MAGI1: variants seen among roughly 807,000 people sequenced by gnomAD.
MAGI1 encodes the protein membrane associated guanylate kinase, WW and PDZ domain containing 1.
MAGI1 carries 58 observed loss-of-function variants against 139.9 expected under a neutral mutation model. The observed-to-expected ratio is 0.41, with a 90% confidence interval of 0.34 to 0.52. MAGI1 has a LOEUF of 0.52. Ranked by LOEUF, MAGI1 falls within the 20% of genes least tolerant of loss-of-function variation. The probability of loss-of-function intolerance (pLI) is 0.12; values close to 1 mark genes in which losing one functional copy is unlikely to be tolerated. For missense variants in MAGI1, 1,874 were observed against 1,901.6 expected (o/e 0.99, Z 0.27); for synonymous variants, 812 against 737.9 (o/e 1.10, Z -1.63).
intron 1 of MAGI1, among the ~76,000 whole-genome samples, chr3:65,888,589 A>G (rs1215838002): frequency 6.6e-6 from 1 of 152,252 alleles, no homozygotes; most frequent in Non-Finnish European, 1.5e-5. Flanking sequence ...GAGATTTAGA[A>G]TTAAAACTAG....
At chr3:65,393,326 T>C (rs1209868073) in intron 13 of MAGI1, among the ~76,000 whole-genome samples, 4 of 152,130 alleles carry the variant, frequency 2.6e-5, no homozygotes, top group Admixed American at 1.3e-4. Context: ...GTATCAGCCC[T>C]TTTTTTGTGT....
intron 2 of MAGI1, among the ~76,000 whole-genome samples, chr3:65,605,324 T>C (rs572054059): frequency 1.3e-5 from 2 of 152,330 alleles, no homozygotes; most frequent in South Asian, 4.1e-4. Flanking sequence ...GTTCACCATG[T>C]GCATCTTTGA....
chr3:65,557,916 G>A (rs2080163144), intron 2 of MAGI1, among the ~76,000 whole-genome samples: 2 of 152,162 alleles, frequency 1.3e-5, no homozygotes, highest in Admixed American at 1.3e-4. Flanking sequence ...CATGTAGAGA[G>A]GTCCCCCAAC....
At chr3:65,960,554 G>A (rs1414289575) in intron 1 of MAGI1, among the ~76,000 whole-genome samples, 1 of 152,170 alleles carries the variant, frequency 6.6e-6, no homozygotes, top group Admixed American at 6.5e-5. Context: ...CACCAAACAA[G>A]AAGGATGTCT....
At chr3:65,932,195 T>C (rs2062834864) in intron 1 of MAGI1, among the ~76,000 whole-genome samples, 1 of 152,198 alleles carries the variant, frequency 6.6e-6, no homozygotes, top group Non-Finnish European at 1.5e-5. Context: ...GATTATTTTC[T>C]TGCACATTTT....
At chr3:65,806,285 C>A (rs925547880) in intron 1 of MAGI1, among the ~76,000 whole-genome samples, 8 of 151,806 alleles carry the variant, frequency 5.3e-5, no homozygotes, top group African/African-American at 1.5e-4. Context: ...AAAAATTAGC[C>A]GGGCATGGTA....
rs546634117 is a variant in MAGI1 at position 65,830,459 on chromosome 3, G to C, written c.313+207537C>G. Among the ~76,000 whole-genome samples the C allele has an allele frequency of 1.1e-4, 17 of 152,276 alleles. No homozygotes were observed. In the East Asian group the frequency reaches 3.1e-3, roughly 28 times the overall value. ...AATGATTGGTTCAACCACGGCTCCA[G>C]TAACAGCTCTCATGCAAAACACAAA... On this transcript the variant is annotated intron_variant, in intron 1 of 22. Transcript: ENST00000402939.
chr3:65,661,745 G>T (rs28587383), intron 1 of MAGI1, among the ~76,000 whole-genome samples: 48 of 93,868 alleles, frequency 5.1e-4, no homozygotes, highest in African/African-American at 1.0e-3. Context: ...GTTTTTTTCT[G>T]TTTTTTTTTT....
intron 1 of MAGI1, among the ~76,000 whole-genome samples, chr3:65,815,740 G>C (rs2041560118): frequency 6.6e-6 from 1 of 152,038 alleles, no homozygotes; most frequent in South Asian, 2.1e-4. Context: ...ATGTGCCAGA[G>C]ACTGTCACCA....
At chr3:65,922,146 G>C (rs931199808) in intron 1 of MAGI1, among the ~76,000 whole-genome samples, 2 of 152,010 alleles carry the variant, frequency 1.3e-5, no homozygotes, top group Non-Finnish European at 2.9e-5. Flanking sequence ...TACAGAAACA[G>C]AGACTCTAAG....
At chr3:65,792,990 G>T (rs1287559938) in intron 1 of MAGI1, among the ~76,000 whole-genome samples, 16 of 152,020 alleles carry the variant, frequency 1.1e-4, no homozygotes, top group Non-Finnish European at 2.2e-4. Context: ...AGGAGAAATA[G>T]GGCATTTGAG....
At chr3:65,646,122 TA>T (rs1305107648) in intron 1 of MAGI1, among the ~76,000 whole-genome samples, 1 of 151,862 alleles carries the variant, frequency 6.6e-6, no homozygotes, top group Non-Finnish European at 1.5e-5. Context: ...AGAATAAATT[TA>T]AAAACATAAC....
chr3:65,395,544 A>G (rs1944311256), intron 13 of MAGI1, among the ~76,000 whole-genome samples: 1 of 149,078 alleles, frequency 6.7e-6, no homozygotes. Flanking sequence ...TGGGAGGCTG[A>G]TGCACGAGAA....
At position 65,860,057 on chromosome 3, in the gene MAGI1, G is replaced by A. The variant is rs529143123; in HGVS notation, c.313+177939C>T. ...ATTACAGGCACGCACCACCATGCCT[G>A]GCTAATTTTGTATTTTTTAGTAGAG... On this transcript the variant is annotated intron_variant, in intron 1 of 22. Transcript: ENST00000402939. 2.0e-5 allele frequency among the ~76,000 whole-genome samples: 3 copies of A among 151,984 alleles called. No homozygotes were observed. The East Asian group carries it at 5.9e-4, about 30-fold the overall frequency.
At chr3:65,667,421 A>G (rs555318246) in intron 1 of MAGI1, among the ~76,000 whole-genome samples, 1 of 152,374 alleles carries the variant, frequency 6.6e-6, no homozygotes, top group East Asian at 1.9e-4. Flanking sequence ...TTCCAAGGCC[A>G]TCAGAGATGC....
chr3:65,852,007 A>C (rs2108396793), intron 1 of MAGI1, among the ~76,000 whole-genome samples: 1 of 152,326 alleles, frequency 6.6e-6, no homozygotes, highest in South Asian at 2.1e-4. Context: ...CATATGGGGA[A>C]GGTTTTTAAG....
chr3:65,564,281 ATC>A (rs2108031585), intron 2 of MAGI1, among the ~76,000 whole-genome samples: 1 of 152,182 alleles, frequency 6.6e-6, no homozygotes, highest in Admixed American at 6.5e-5. Flanking sequence ...GGCAGAACAA[ATC>A]TATTTTCAAG....
intron 2 of MAGI1, among the ~76,000 whole-genome samples, chr3:65,552,264 GTGTGT>G (rs2079876207): frequency 1.0e-5 from 1 of 97,474 alleles, no homozygotes; most frequent in Non-Finnish European, 2.5e-5. Flanking sequence ...ATAGGGGTGT[GTGTGT>G]GTGTGTGTGT....
chr3:65,731,040 T>A (rs2107732295), intron 1 of MAGI1, among the ~76,000 whole-genome samples: 1 of 152,294 alleles, frequency 6.6e-6, no homozygotes, highest in Admixed American at 6.5e-5. Context: ...AGTTACTGGA[T>A]AACTCAAAAG....
Sources: allele counts gnomAD v4.1 joint callset (sites outside exome capture counted in the v4.1 genomes callset), GRCh38; gene constraint gnomAD v4.1.1; transcripts MANE v1.5; gene names NCBI Gene and HGNC (gene_info 2026-07-23, HGNC 2026-07-21).